The following AGBL4 variants were observed in gnomAD, a reference collection of about 807,000 sequenced individuals.
The protein encoded by AGBL4 is cytosolic carboxypeptidase 6.
In AGBL4, 58 loss-of-function variants were observed where a neutral mutation model predicts 66.4. The ratio of observed to expected loss-of-function variants is 0.87; its 90% CI spans 0.71 to 1.09. The LOEUF (loss-of-function observed/expected upper bound fraction) is 1.09. Among genes scored for constraint, AGBL4 ranks in the 50% least tolerant of loss-of-function variants. The pLI, the probability that AGBL4 is intolerant of heterozygous loss-of-function variation, is 0.00. For synonymous variants in AGBL4, 234 were observed against 222.9 expected, an observed-to-expected ratio of 1.05 and a Z score of -0.44; for missense variants, 579 against 631.0, an observed-to-expected ratio of 0.92 and a Z score of 0.88.
At chr1:49,293,438 A>C (rs879795275) in intron 3 of AGBL4, among the ~76,000 whole-genome samples, 6 of 152,220 alleles carry the variant, frequency 3.9e-5, no homozygotes, top group African/African-American at 7.2e-5. Flanking sequence ...GAAAAACAAC[A>C]ACCCAAGGAT....
intron 6 of AGBL4, among the ~76,000 whole-genome samples, chr1:48,699,190 AG>A (rs1441968999): frequency 3.9e-5 from 6 of 152,162 alleles, no homozygotes; most frequent in African/African-American, 1.4e-4. Context: ...CAGGCTTTGG[AG>A]TCAGGCAGCA....
chr1:48,605,018 C>T (rs1490603795), intron 9 of AGBL4, among the ~76,000 whole-genome samples: 1 of 152,198 alleles, frequency 6.6e-6, no homozygotes, highest in Admixed American at 6.5e-5. Context: ...TCCTTTGACA[C>T]ATGAAATACT....
rs1046682528 is a variant in AGBL4 at position 49,917,422 on chromosome 1, G to A, written c.35-65904C>T. ...AGCAAATGGAAAACAAAAAAAGGCAGGGTTTGCAATCCTACTGTCCGATAA... is the reference window on the plus strand; with the variant it reads ...AGCAAATGGAAAACAAAAAAAGGCAAGGTTTGCAATCCTACTGTCCGATAA... On this transcript the variant is annotated intron_variant, in intron 1 of 13. Transcript: ENST00000371839. 1.4e-4 allele frequency among the ~76,000 whole-genome samples: 21 copies of A among 151,870 alleles called. No homozygotes were observed. In the East Asian group the frequency reaches 2.5e-3, roughly 18 times the overall value.
intron 2 of AGBL4, among the ~76,000 whole-genome samples, chr1:49,711,137 C>T (rs1309028216): frequency 6.6e-6 from 1 of 152,064 alleles, no homozygotes. Context: ...AAGTTTCATA[C>T]GTTTCCAGTG....
chr1:49,703,839 T>G (rs1460034404), intron 2 of AGBL4, among the ~76,000 whole-genome samples: 1 of 151,898 alleles, frequency 6.6e-6, no homozygotes, highest in Non-Finnish European at 1.5e-5. Flanking sequence ...GAATAGAAAA[T>G]TGACAACATA....
At chr1:49,335,550 C>G (rs1391151541) in intron 3 of AGBL4, among the ~76,000 whole-genome samples, 1 of 151,736 alleles carries the variant, frequency 6.6e-6, no homozygotes, top group South Asian at 2.1e-4. Flanking sequence ...GAGTCTCGCT[C>G]TGTTGCCCAG....
chr1:49,921,660 C>A (rs1424753969), intron 1 of AGBL4, among the ~76,000 whole-genome samples: 1 of 152,156 alleles, frequency 6.6e-6, no homozygotes, highest in African/African-American at 2.4e-5. Context: ...CCCAGAAAAC[C>A]ACTAGCGTTA....
chr1:49,945,302 C>T (rs1478623466), intron 1 of AGBL4, among the ~76,000 whole-genome samples: 1 of 152,052 alleles, frequency 6.6e-6, no homozygotes, highest in Non-Finnish European at 1.5e-5. Context: ...AAGAATTTTA[C>T]AAGATGTGAG....
intron 3 of AGBL4, among the ~76,000 whole-genome samples, chr1:49,503,220 A>G (rs1648346609): frequency 6.6e-6 from 1 of 152,068 alleles, no homozygotes; most frequent in African/African-American, 2.4e-5. Flanking sequence ...AGCCTTAGTA[A>G]CTTCCATGTG....
intron 2 of AGBL4, among the ~76,000 whole-genome samples, chr1:49,705,737 G>T (rs12722989): frequency 6.8e-6 from 1 of 147,530 alleles, no homozygotes; most frequent in Non-Finnish European, 1.5e-5. Flanking sequence ...TTTATTGAGT[G>T]TTTTTTTTTT....
intron 4 of AGBL4, among the ~76,000 whole-genome samples, chr1:49,172,779 G>T (rs1488684145): frequency 6.6e-6 from 1 of 152,148 alleles, no homozygotes; most frequent in African/African-American, 2.4e-5. Context: ...TGTAGCAACA[G>T]GGAAGCATGG....
intron 4 of AGBL4, among the ~76,000 whole-genome samples, chr1:49,094,940 A>G (rs1267645946): frequency 1.3e-5 from 2 of 152,232 alleles, no homozygotes; most frequent in Admixed American, 6.5e-5. Context: ...AAACCCCATC[A>G]TCTCAGCCCA....
chr1:48,936,903 G>T (rs1026894125), intron 5 of AGBL4, among the ~76,000 whole-genome samples: 2 of 152,158 alleles, frequency 1.3e-5, no homozygotes, highest in African/African-American at 4.8e-5. Context: ...AATCAGAATT[G>T]TAAGGGCAAT....
chr1:48,623,804 G>T (rs1645455120), intron 9 of AGBL4, among the ~76,000 whole-genome samples: 1 of 152,230 alleles, frequency 6.6e-6, no homozygotes, highest in Non-Finnish European at 1.5e-5. Context: ...CATGGAAAGG[G>T]AGGAGTATAT....
Position 48,670,378 on chromosome 1 carries a change from G to C in AGBL4, c.635-7137C>G, listed in dbSNP as rs1163851236. On this transcript the variant is annotated intron_variant, in intron 6 of 13. Coordinates refer to ENST00000371839, the MANE Select transcript of AGBL4 (RefSeq NM_032785.4). ...CACAGCTAGAGAGTAGTCCAGGCAG[G>C]TAGCAGCCTCCTCTCACTACACTGG... is the stretch of plus-strand genomic sequence containing the variant. Among the ~76,000 whole-genome samples, 7 of 152,216 alleles carry C rather than the reference G, an allele frequency of 4.6e-5. No homozygotes were observed. In the East Asian group the frequency reaches 1.4e-3, roughly 29 times the overall value.
chr1:49,009,335 T>C (rs1056952132), intron 5 of AGBL4, among the ~76,000 whole-genome samples: 11 of 152,016 alleles, frequency 7.2e-5, no homozygotes, highest in African/African-American at 2.2e-4. Context: ...CAGGAAGAAG[T>C]TGAATCTCTG....
At chr1:48,798,753 C>T (rs1645746931) in intron 6 of AGBL4, among the ~76,000 whole-genome samples, 1 of 152,152 alleles carries the variant, frequency 6.6e-6, no homozygotes, top group Non-Finnish European at 1.5e-5. Context: ...ATTCCAGCAC[C>T]ATTTGTTGGA....
rs760681798 is a variant in AGBL4, at chr1:49,135,564, C to G, written c.378-89764G>C. On this transcript the variant is annotated intron_variant, in intron 4 of 13. Transcript: ENST00000371839. ...AGCAAACCAGTCATTAGCATTGTTT[C>G]TACAGATATTAAATTAACTAAAAGT... Among the ~76,000 whole-genome samples, 7 of 152,100 alleles carry G rather than the reference C, an allele frequency of 4.6e-5. No individual in the cohort carries two copies. In the South Asian group the frequency reaches 8.3e-4, roughly 18 times the overall value.
chr1:48,895,051 G>T (rs910258015), intron 5 of AGBL4, among the ~76,000 whole-genome samples: 2 of 152,170 alleles, frequency 1.3e-5, no homozygotes. Context: ...GGCAGTTAAC[G>T]CTGCTAAGGC....
Sources: allele counts gnomAD v4.1 joint callset (sites outside exome capture counted in the v4.1 genomes callset), GRCh38; gene constraint gnomAD v4.1.1; transcripts MANE v1.5; gene names NCBI Gene and HGNC (gene_info 2026-07-23, HGNC 2026-07-21).